ASH1L: variants seen among roughly 807,000 people sequenced by gnomAD.
ASH1L encodes the protein ASH1 like histone lysine methyltransferase.
Under a neutral mutation model 269.0 loss-of-function variants are expected in ASH1L, and 23 were observed. The observed-to-expected ratio is 0.09, with a 90% confidence interval of 0.06 to 0.12. The LOEUF (loss-of-function observed/expected upper bound fraction) is 0.12, where lower values mean the gene tolerates loss of function less well. ASH1L is among the 10% of genes least tolerant of loss of function. ASH1L has a pLI of 1.00. For missense variants in ASH1L, 2,912 were observed against 3,567.8 expected (o/e 0.82, Z 4.68); for synonymous variants, 1,187 against 1,253.5 (o/e 0.95, Z 1.12).
chr1:155,343,851 GTA>G lies in ASH1L; in HGVS notation c.7982-111_7982-110del, dbSNP rs1653011028. On this transcript the variant is annotated intron_variant, in intron 22 of 27. Coordinates refer to ENST00000392403, the MANE Select transcript of ASH1L (RefSeq NM_018489.3). This position sits in a 1 kb window ranked among gnomAD's most constrained non-coding sequence, Gnocchi z 6.1. ...TACATAGAACTCATAATCTGAAACA[GTA>G]TAAATACAGAGAGCTAAAAGCAGCA... 7.9e-7 allele frequency: 1 copy of G among 1,262,068 alleles called. No homozygotes were observed. The highest frequency in any genetic ancestry group is 1.1e-6 in the Non-Finnish European group (1 of 911,450). The allele number at this position is 1,262,068 out of a possible 1,614,324, so 78.2% of individuals were successfully genotyped here.
intron 2 of ASH1L, among the ~76,000 whole-genome samples, chr1:155,492,294 C>T (rs370184392): frequency 7.1e-4 from 108 of 152,180 alleles, no homozygotes; most frequent in Non-Finnish European, 1.4e-3. Context: ...CCGCCAGCCT[C>T]GGCCTCCCAA....
chr1:155,541,766 G>C (rs1237543781), intron 1 of ASH1L, among the ~76,000 whole-genome samples: 2 of 151,878 alleles, frequency 1.3e-5, no homozygotes, highest in Non-Finnish European at 2.9e-5. Flanking sequence ...TATTTTTAGG[G>C]GTGAGGGAGC....
intron 1 of ASH1L, among the ~76,000 whole-genome samples, chr1:155,545,463 T>C (rs1037548059): frequency 6.6e-6 from 1 of 151,580 alleles, no homozygotes; most frequent in Non-Finnish European, 1.5e-5. Flanking sequence ...ATATTTTTTA[T>C]ACACACACAC....
intron 3 of ASH1L, among the ~76,000 whole-genome samples, chr1:155,473,102 T>G (rs1665232687): frequency 6.6e-6 from 1 of 152,206 alleles, no homozygotes; most frequent in African/African-American, 2.4e-5. Flanking sequence ...TTGTATTGGT[T>G]AATACATGAC....
At chr1:155,450,312 G>C (rs1409231896) in intron 4 of ASH1L, among the ~76,000 whole-genome samples, 1 of 152,140 alleles carries the variant, frequency 6.6e-6, no homozygotes, top group Non-Finnish European at 1.5e-5. Context: ...GGGATTCGTA[G>C]AGTTTCATCG....
At chr1:155,500,483 T>C (rs1005691591) in intron 2 of ASH1L, among the ~76,000 whole-genome samples, 1 of 152,104 alleles carries the variant, frequency 6.6e-6, no homozygotes, top group African/African-American at 2.4e-5. Flanking sequence ...TTGAATAGCA[T>C]TTGTCAACAA....
At chr1:155,510,192 G>C (rs1668074166) in intron 2 of ASH1L, among the ~76,000 whole-genome samples, 1 of 151,804 alleles carries the variant, frequency 6.6e-6, no homozygotes, top group African/African-American at 2.4e-5. Context: ...GAGGCGGACG[G>C]ATCACAAGGT....
At chr1:155,475,549 T>C (rs566621796) in intron 3 of ASH1L, among the ~76,000 whole-genome samples, 23 of 152,330 alleles carry the variant, frequency 1.5e-4, no homozygotes, top group African/African-American at 5.1e-4. Flanking sequence ...TAACACTCCA[T>C]GGTATTAACT....
At chr1:155,527,411 C>A (rs1430853203) in intron 1 of ASH1L, among the ~76,000 whole-genome samples, 2 of 152,058 alleles carry the variant, frequency 1.3e-5, no homozygotes, top group Admixed American at 6.6e-5. Flanking sequence ...AGGTCACCAA[C>A]AACCTCCACA....
In ASH1L at chr1:155,343,483, C is replaced by A. The variant is rs1483184623; in HGVS notation, c.8124G>T (p.Glu2708Asp). 1.2e-6 allele frequency: 2 copies of A among 1,613,774 alleles called. No homozygotes were observed. Among genetic ancestry groups the A allele is most frequent in the Non-Finnish European group, 1.7e-6 (2 of 1,179,824 alleles). The change falls in exon 24 of 28, where the codon GAG becomes GAT. Residue 2708 changes from glutamate to aspartate, a missense_variant. Physicochemically the swap from Glu to Asp is conservative, Grantham distance 45. Around this residue, in one of 13 missense-constraint regions of ASH1L, gnomAD observed 179 missense variants for 293.8 expected, o/e 0.61. Coordinates refer to ENST00000392403, the MANE Select transcript of ASH1L (RefSeq NM_018489.3). This position sits in a 1 kb window ranked among gnomAD's most constrained non-coding sequence, Gnocchi z 6.1. ...AATGGTGACCAAAGGCAAACCGTTC[C>A]TCTCTAAAACAATGGAAAAGTGAGA... ...RIEKLWKNEK[E>D]ERFAFGHHYF... is the part of the protein sequence containing the mutation.
rs983797373 is a variant in ASH1L at position 155,346,111 on chromosome 1, G to T, written c.7890+272C>A. On this transcript the variant is annotated intron_variant, in intron 21 of 27. Coordinates refer to ENST00000392403, the MANE Select transcript of ASH1L (RefSeq NM_018489.3). Reference sequence around the variant, plus strand: ...AGCCTCCCAGTGTGCTAGGATTACAGGCATGAGCGACCGTGCCCGGCCAAA... The same window carrying T: ...AGCCTCCCAGTGTGCTAGGATTACATGCATGAGCGACCGTGCCCGGCCAAA... 1.7e-5 allele frequency: 22 copies of T among 1,303,716 alleles called. No homozygotes were observed. In the African/African-American group the frequency reaches 2.8e-4, roughly 17 times the overall value. 80.8% of individuals were successfully genotyped at this position (1,303,716 alleles called of 1,614,324 possible). A position where few individuals can be genotyped will look rare whatever the true frequency, so the allele number is the denominator to read the frequency against.
At chr1:155,532,733 G>C (rs1225245587) in intron 1 of ASH1L, among the ~76,000 whole-genome samples, 2 of 150,522 alleles carry the variant, frequency 1.3e-5, no homozygotes, top group Non-Finnish European at 2.9e-5. Context: ...TGAGGCAGAA[G>C]AATCACTTGA....
intron 4 of ASH1L, among the ~76,000 whole-genome samples, chr1:155,459,510 A>G (rs1166230172): frequency 6.6e-6 from 1 of 152,132 alleles, no homozygotes; most frequent in African/African-American, 2.4e-5. Context: ...GCAATTTTAT[A>G]TGTATCTAAA....
intron 6 of ASH1L, among the ~76,000 whole-genome samples, chr1:155,398,740 T>C (rs1658572454): frequency 6.6e-6 from 1 of 152,168 alleles, no homozygotes; most frequent in Non-Finnish European, 1.5e-5. Flanking sequence ...AGGGTCTCAT[T>C]CTGTCTCCCA....
intron 3 of ASH1L, among the ~76,000 whole-genome samples, chr1:155,470,515 T>G (rs1665018797): frequency 6.6e-6 from 1 of 150,618 alleles, no homozygotes; most frequent in African/African-American, 2.4e-5. Flanking sequence ...TTCATATACA[T>G]GTCTAAACTA....
At chr1:155,496,053 A>G (rs1480127412) in intron 2 of ASH1L, among the ~76,000 whole-genome samples, 3 of 152,138 alleles carry the variant, frequency 2.0e-5, no homozygotes, top group Non-Finnish European at 4.4e-5. Flanking sequence ...TTCCTTTTTT[A>G]CTTTATTACC....
chr1:155,437,631 G>C (rs1225382093), intron 5 of ASH1L, among the ~76,000 whole-genome samples: 1 of 152,180 alleles, frequency 6.6e-6, no homozygotes, highest in African/African-American at 2.4e-5. Flanking sequence ...AGCAGGGTCT[G>C]AAAGAGGTAT....
intron 3 of ASH1L, among the ~76,000 whole-genome samples, chr1:155,467,102 G>A (rs912945886): frequency 2.6e-5 from 4 of 152,034 alleles, no homozygotes; most frequent in Non-Finnish European, 5.9e-5. Flanking sequence ...TGACTTGTAA[G>A]CTATAAATGC....
chr1:155,515,783 A>C (rs1319433030), intron 2 of ASH1L, among the ~76,000 whole-genome samples: 1 of 150,726 alleles, frequency 6.6e-6, no homozygotes, highest in Non-Finnish European at 1.5e-5. Flanking sequence ...AGCCGAGATC[A>C]AGCCACTGCA....
Sources: gnomAD v4.1 joint callset for allele counts (sites outside exome capture counted in the v4.1 genomes callset) on GRCh38, gnomAD v4.1.1 for gene constraint, gnomAD v4.1.1 regional missense constraint, Gnocchi (gnomAD v3.1) non-coding constraint, MANE v1.5 for transcripts, NCBI Gene and HGNC (gene_info 2026-07-23, HGNC 2026-07-21) for gene names.